MYH14: variants seen among roughly 807,000 people sequenced by gnomAD.
The protein encoded by MYH14 is myosin-14.
In MYH14, 123 loss-of-function variants were observed where a neutral mutation model predicts 255.5. That is an observed-to-expected ratio of 0.48 (90% CI 0.42 to 0.56). The LOEUF is 0.56. MYH14 is among the 20% of genes least tolerant of loss of function. MYH14 has a pLI of 0.00. For synonymous variants in MYH14, 1,095 were observed against 1,161.2 expected, an observed-to-expected ratio of 0.94 and a Z score of 1.16; for missense variants, 2,423 against 2,802.3, an observed-to-expected ratio of 0.86 and a Z score of 3.06.
rs3745505 is a variant in MYH14 at position 50,263,061 on chromosome 19, G to A, written c.2586-251G>A. Among the ~76,000 whole-genome samples the A allele has an allele frequency of 4.1e-4, 63 of 152,170 alleles. No individual in the cohort carries two copies. The East Asian group carries it at 0.012, about 28-fold the overall frequency. Reference sequence around the variant, plus strand: ...CTAAAAATACAAAAATTAGCCGAGTGTTGTGGCACGCACCTGTAATCCTAG... The same window carrying A: ...CTAAAAATACAAAAATTAGCCGAGTATTGTGGCACGCACCTGTAATCCTAG... On this transcript the variant is annotated intron_variant, in intron 21 of 42. Transcript: ENST00000642316.
Position 50,210,464 on chromosome 19 carries a change from G to A in MYH14, c.99G>A (p.Gly33=). ...AAQPFLFTPR[G]PSAGGGPGSG... ...AGCCGTTCCTGTTCACGCCCCGCGG[G>A]CCCAGCGCGGGTGGCGGGCCTGGCT... Residue 33 remains glycine (G), a synonymous_variant, in exon 2 of 43, where the codon GGG becomes GGA. Coordinates refer to ENST00000642316, the MANE Select transcript of MYH14 (RefSeq NM_001145809.2). 1 of 1,548,164 alleles carries A rather than the reference G, an allele frequency of 6.5e-7. No homozygotes were observed. Among genetic ancestry groups the A allele is most frequent in the South Asian group, 1.2e-5 (1 of 84,220 alleles).
chr19:50,304,031 T>C (rs1378433341), intron 40 of MYH14, among the ~76,000 whole-genome samples: 3 of 152,230 alleles, frequency 2.0e-5, no homozygotes, highest in African/African-American at 7.2e-5. Flanking sequence ...ATAGTTCCTA[T>C]TTATTGAGGA....
chr19:50,259,295 G>A (rs183550393), intron 19 of MYH14, 30 bp downstream of exon 19: 94 of 1,552,432 alleles, frequency 6.1e-5, no homozygotes, highest in Non-Finnish European at 8.0e-5. Flanking sequence ...CAGGCCCGGC[G>A]GAGGGGCTGG....
At chr19:50,207,281 G>C (rs1046512990) in intron 1 of MYH14, among the ~76,000 whole-genome samples, 2 of 144,468 alleles carry the variant, frequency 1.4e-5, no homozygotes, top group Admixed American at 7.0e-5. Flanking sequence ...CAGAGAGAGA[G>C]AGAGAGAGAG....
chr19:50,279,968 G>A (rs2035650219), intron 30 of MYH14, 69 bp from the exon 31 acceptor site: 3 of 1,118,654 alleles, frequency 2.7e-6, no homozygotes, highest in Non-Finnish European at 2.7e-6. Flanking sequence ...GTGGTAGAGA[G>A]TTGAGGCAGA....
intron 12 of MYH14, among the ~76,000 whole-genome samples, chr19:50,247,569 G>GAAAAACA (rs776383307): frequency 2.6e-5 from 4 of 152,002 alleles, no homozygotes; most frequent in African/African-American, 9.7e-5. Context: ...TGGTATCCTA[G>GAAAAACA]AAAAACAAAA....
intron 40 of MYH14, among the ~76,000 whole-genome samples, chr19:50,304,644 T>C (rs2036598180): frequency 6.6e-6 from 1 of 152,148 alleles, no homozygotes; most frequent in Non-Finnish European, 1.5e-5. Context: ...CTGAAAAAAT[T>C]AGACGTACCA....
chr19:50,247,575 CAAAA>C (rs2123296537), intron 12 of MYH14, among the ~76,000 whole-genome samples: 1 of 151,994 alleles, frequency 6.6e-6, no homozygotes, highest in Admixed American at 6.6e-5. Flanking sequence ...CCTAGAAAAA[CAAAA>C]AACAAAAACC....
At chr19:50,217,929 G>A (rs541107403) in intron 3 of MYH14, among the ~76,000 whole-genome samples, 158 bp downstream of exon 3, 98 of 152,204 alleles carry the variant, frequency 6.4e-4, no homozygotes, top group Non-Finnish European at 1.2e-3. Context: ...AGAGGCCTGA[G>A]TGGGTGAGGT....
intron 11 of MYH14, among the ~76,000 whole-genome samples, chr19:50,246,457 T>G (rs952852827): frequency 6.6e-6 from 1 of 152,044 alleles, no homozygotes; most frequent in Non-Finnish European, 1.5e-5. Context: ...CCAGTGTAGC[T>G]TTTAGTGACT....
chr19:50,234,650 C>G (rs2033575897), intron 10 of MYH14, among the ~76,000 whole-genome samples: 1 of 151,792 alleles, frequency 6.6e-6, no homozygotes, highest in South Asian at 2.1e-4. Flanking sequence ...AGCTGGCACA[C>G]AAATTCAGAC....
At chr19:50,248,022 T>G (rs998122430) in intron 12 of MYH14, among the ~76,000 whole-genome samples, 3 of 143,206 alleles carry the variant, frequency 2.1e-5, no homozygotes, top group Non-Finnish European at 4.5e-5. Flanking sequence ...AGCACGCCAC[T>G]GCACTTCAGC....
chr19:50,252,987 C>T lies in MYH14; in HGVS notation c.1945+234C>T, dbSNP rs2034459123. On this transcript the variant is annotated intron_variant, in intron 16 of 42. Coordinates refer to ENST00000642316, the MANE Select transcript of MYH14 (RefSeq NM_001145809.2). This position sits in a 1 kb window ranked among gnomAD's most constrained non-coding sequence, Gnocchi z 4.2. ...CAGCATCCTTCTCAAGGATAAAGCA[C>T]TCCGCCTTAATCAGAAACGTGGCAA... 6.6e-6 allele frequency among the ~76,000 whole-genome samples: 1 copy of T among 152,230 alleles called. No homozygotes were observed. The highest frequency in any genetic ancestry group is 1.5e-5 in the Non-Finnish European group (1 of 68,032).
chr19:50,229,848 T>C (rs945391574), intron 8 of MYH14, among the ~76,000 whole-genome samples: 5 of 152,094 alleles, frequency 3.3e-5, no homozygotes, highest in African/African-American at 1.2e-4. Context: ...GAACCAGGCA[T>C]TGTTCAGGGT....
In MYH14 at chr19:50,301,717, G is replaced by C. The variant is rs1225352711; in HGVS notation, c.5526G>C (p.Glu1842Asp). 1.9e-6 allele frequency: 3 copies of C among 1,613,802 alleles called. No individual in the cohort carries two copies. The highest frequency in any genetic ancestry group is 1.3e-5 in the African/African-American group (1 of 74,930). ...AGCGCAGTTTCTCAGCCAAGGCAGA[G>C]AGCGGGCGGCAGCAGCTGGAACGGC... is the stretch of plus-strand genomic sequence containing the variant. The part of the protein sequence containing the change: ...SAERSFSAKA[E>D]SGRQQLERQI... Residue 1842 changes from glutamate to aspartate, a missense_variant, in exon 40 of 43, where the codon GAG (glutamate) becomes GAC (aspartate). Glu to Asp is a conservative substitution (Grantham distance 45). This residue lies in a region of MYH14 where 1,513 missense variants were observed against 1,674.8 expected (regional missense o/e 0.90). Coordinates refer to ENST00000642316, the MANE Select transcript of MYH14 (RefSeq NM_001145809.2).
At position 50,252,058 on chromosome 19, in the gene MYH14, C is replaced by G. The variant is rs1206815758; in HGVS notation, c.1831-581C>G. Among the ~76,000 whole-genome samples the G allele has an allele frequency of 6.6e-6, 1 of 152,172 alleles. No individual in the cohort carries two copies. Among genetic ancestry groups the G allele is most frequent in the Non-Finnish European group, 1.5e-5 (1 of 68,032 alleles). On this transcript the variant is annotated intron_variant, in intron 15 of 42. Transcript: ENST00000642316. The surrounding 1 kb of genome is among the most constrained non-coding windows in gnomAD (Gnocchi z 4.2). ...GACAATGGCTGGGAGGCAGGAGATT[C>G]CATGTGTTCTGTGTCTAGCCCTCAG...
At chr19:50,235,374 C>T (rs2033613144) in intron 10 of MYH14, among the ~76,000 whole-genome samples, 1 of 120,118 alleles carries the variant, frequency 8.3e-6, no homozygotes. Context: ...AAAAAAAGTT[C>T]CTGGATGTTG....
chr19:50,290,215 C>CCACTTAGT (rs541451215), intron 35 of MYH14, among the ~76,000 whole-genome samples: 8 of 151,566 alleles, frequency 5.3e-5, no homozygotes, highest in Admixed American at 3.9e-4. Context: ...CCTGCTGACT[C>CCACTTAGT]CACTTAGTCA....
chr19:50,259,055 C>T, intron 18 of MYH14, 89 bp from the exon 19 acceptor site: 1 of 1,480,044 alleles, frequency 6.8e-7, no homozygotes, highest in Non-Finnish European at 9.0e-7. Context: ...CAGTAAATTA[C>T]ATGTGGAAAC....
Sources: allele counts gnomAD v4.1 joint callset (sites outside exome capture counted in the v4.1 genomes callset), GRCh38; gene constraint gnomAD v4.1.1; regional missense constraint gnomAD v4.1.1; non-coding constraint Gnocchi (gnomAD v3.1); transcripts MANE v1.5; gene names NCBI Gene and HGNC (gene_info 2026-07-23, HGNC 2026-07-21).